POC1B: variants seen among roughly 807,000 people sequenced by gnomAD.
The protein encoded by POC1B is POC1 centriolar protein B, also known as POC1 centriolar protein homolog B.
A neutral mutation model predicts 60.6 loss-of-function variants in POC1B; 44 were observed. The observed-to-expected ratio is 0.73, with a 90% CI of 0.57 to 0.93. The LOEUF (loss-of-function observed/expected upper bound fraction) is 0.93. Among genes scored for constraint, POC1B ranks in the 40% least tolerant of loss-of-function variants. The pLI is 0.00. For synonymous variants in POC1B, 180 were observed against 198.9 expected (o/e 0.90, Z 0.80); for missense variants, 555 against 572.3 (o/e 0.97, Z 0.31).
At chr12:89,465,221 A>G (rs1882641774) in intron 9 of POC1B, among the ~76,000 whole-genome samples, 1 of 152,214 alleles carries the variant, frequency 6.6e-6, no homozygotes, top group Non-Finnish European at 1.5e-5. Flanking sequence ...AGAGCCACTC[A>G]GGCAACTCCT....
At chr12:89,493,914 T>C (rs935968229) in intron 3 of POC1B, among the ~76,000 whole-genome samples, 1 of 152,254 alleles carries the variant, frequency 6.6e-6, no homozygotes, top group Non-Finnish European at 1.5e-5. Context: ...GTTCCTCATC[T>C]TAACTTAATA....
downstream of POC1B, among the ~76,000 whole-genome samples, chr12:89,416,151 C>G (rs1880360417): frequency 6.6e-6 from 1 of 152,324 alleles, no homozygotes; most frequent in East Asian, 1.9e-4. Context: ...GATGACAACG[C>G]CTGCCTTTTG....
At chr12:89,483,470 C>A (rs528156353) in intron 4 of POC1B, among the ~76,000 whole-genome samples, 14 of 152,264 alleles carry the variant, frequency 9.2e-5, no homozygotes, top group African/African-American at 3.4e-4. Flanking sequence ...ATAAATGACA[C>A]CTTCTTGCTG....
At position 89,471,722 on chromosome 12, in the gene POC1B, T is replaced by C. The variant is rs139916492; in HGVS notation, c.568A>G (p.Asn190Asp). 6 of 1,578,760 alleles carry C rather than the reference T, an allele frequency of 3.8e-6. No homozygotes were observed. The highest frequency in any genetic ancestry group is 4.3e-6 in the Non-Finnish European group (5 of 1,165,144). ...NNFSDSVGFANFVDFNPSGTC... is the reference protein window; with the variant it reads ...NNFSDSVGFADFVDFNPSGTC... ...CCACTAGGGTTAAAGTCCACAAAAT[T>C]TGCAAATCTAGGAGGAAAGAATAAG... is the stretch of plus-strand genomic sequence containing the variant. The change falls in exon 6 of 12, where the codon AAT (asparagine) becomes GAT (aspartate). Residue 190 changes from asparagine (N) to aspartate (D), a missense_variant. Coordinates refer to ENST00000313546, the MANE Select transcript of POC1B (RefSeq NM_172240.3).
chr12:89,522,796 G>A (rs540349909), intron 2 of POC1B: 50 of 1,546,126 alleles, frequency 3.2e-5, no homozygotes, highest in Admixed American at 1.0e-4. Flanking sequence ...AGCTCATGAC[G>A]AAAGTGCTGT....
intron 2 of POC1B, among the ~76,000 whole-genome samples, chr12:89,499,161 G>A (rs1445594590): frequency 6.6e-6 from 1 of 152,160 alleles, no homozygotes; most frequent in African/African-American, 2.4e-5. Flanking sequence ...TGAAAAGGGG[G>A]CAGATGGAGG....
chr12:89,424,130 GCT>G (rs1479209462), intron 11 of POC1B, among the ~76,000 whole-genome samples: 2 of 152,124 alleles, frequency 1.3e-5, no homozygotes, highest in African/African-American at 2.4e-5. Context: ...TTCTCACATG[GCT>G]CTTTCTCACA....
intron 1 of POC1B, 34 bp downstream of exon 1, chr12:89,525,847 G>A (rs1260868897): frequency 7.1e-7 from 1 of 1,411,970 alleles, no homozygotes; most frequent in Admixed American, 3.0e-5. Context: ...CAGGCTCCAG[G>A]GAGGGACCCC....
chr12:89,522,768 TTTC>T (rs1870993102), intron 2 of POC1B: 13 of 1,522,980 alleles, frequency 8.5e-6, no homozygotes, highest in Non-Finnish European at 1.1e-5. Flanking sequence ...GCTCTTTGAC[TTTC>T]TTGACACTAC....
Position 89,421,034 on chromosome 12 carries a change from T to C in POC1B, c.*119A>G. ...TTCTGTTGCTCACCCTTTTAAGAAA[T>C]GCCATGATAAATAGCACATGGTTGT... On this transcript the variant is annotated 3_prime_UTR_variant, in exon 12 of 12. Coordinates refer to ENST00000313546, the MANE Select transcript of POC1B (RefSeq NM_172240.3). 4.2e-6 allele frequency: 3 copies of C among 708,574 alleles called. No homozygotes were observed. The highest frequency in any genetic ancestry group is 2.8e-5 in the East Asian group (1 of 36,240). The allele number at this position is 708,574 out of a possible 1,614,324, so 43.9% of individuals were successfully genotyped here. A position where few individuals can be genotyped will look rare whatever the true frequency, so the allele number is the denominator to read the frequency against.
At chr12:89,435,110 T>C (rs1327670958) in intron 10 of POC1B, among the ~76,000 whole-genome samples, 1 of 151,206 alleles carries the variant, frequency 6.6e-6, no homozygotes, top group Non-Finnish European at 1.5e-5. Context: ...TTTAACCCTA[T>C]GATAAAGATT....
intron 10 of POC1B, among the ~76,000 whole-genome samples, chr12:89,431,937 T>C (rs1005165564): frequency 8.5e-5 from 13 of 152,260 alleles, no homozygotes; most frequent in Non-Finnish European, 1.6e-4. Flanking sequence ...TTCTAGAGGC[T>C]GTCCACATTC....
intron 2 of POC1B, among the ~76,000 whole-genome samples, chr12:89,510,250 T>G (rs1005650517): frequency 2.6e-5 from 4 of 152,220 alleles, no homozygotes; most frequent in African/African-American, 9.7e-5. Flanking sequence ...TGCTTGAGCT[T>G]GGAAATTAGT....
chr12:89,498,261 G>A (rs1426721711), intron 2 of POC1B, among the ~76,000 whole-genome samples: 6 of 152,012 alleles, frequency 3.9e-5, no homozygotes, highest in African/African-American at 1.5e-4. Flanking sequence ...AATAGTTTAA[G>A]GATTTACAAA....
intron 2 of POC1B, among the ~76,000 whole-genome samples, chr12:89,497,804 C>T (rs1290488782): frequency 6.6e-6 from 1 of 152,148 alleles, no homozygotes; most frequent in Non-Finnish European, 1.5e-5. Flanking sequence ...AGAAAAGTTA[C>T]AAGAATAGTA....
intron 9 of POC1B, among the ~76,000 whole-genome samples, chr12:89,465,366 T>A (rs1882647377): frequency 6.6e-6 from 1 of 152,110 alleles, no homozygotes. Flanking sequence ...AGGAAAGCAG[T>A]CTCGGGATCA....
intron 10 of POC1B, among the ~76,000 whole-genome samples, chr12:89,439,345 T>C (rs1881416817): frequency 6.6e-6 from 1 of 152,158 alleles, no homozygotes; most frequent in African/African-American, 2.4e-5. Context: ...AGACACAGCC[T>C]TTGTATATAT....
intron 2 of POC1B, among the ~76,000 whole-genome samples, chr12:89,506,799 C>T (rs1012379220): frequency 1.3e-5 from 2 of 152,112 alleles, no homozygotes; most frequent in Admixed American, 6.5e-5. Flanking sequence ...GAGGTTCCAG[C>T]GGGGCTTCCT....
chr12:89,525,555 T>C, intron 1 of POC1B: 1 of 1,288,472 alleles, frequency 7.8e-7, no homozygotes, highest in Non-Finnish European at 9.8e-7. Flanking sequence ...TTGGTACTTT[T>C]TTTTTTTTTA....
Sources: gnomAD v4.1 joint callset for allele counts (sites outside exome capture counted in the v4.1 genomes callset) on GRCh38, gnomAD v4.1.1 for gene constraint, MANE v1.5 for transcripts, NCBI Gene and HGNC (gene_info 2026-07-23, HGNC 2026-07-21) for gene names.